Variants in FMN1 observed in about 807,000 individuals in gnomAD.
The protein encoded by FMN1 is formin-1.
FMN1 carries 110 observed loss-of-function variants against 132.4 expected under a neutral mutation model. That is an observed-to-expected ratio of 0.83 (90% CI 0.71 to 0.97). The LOEUF (loss-of-function observed/expected upper bound fraction) is 0.97. Ranked by LOEUF, FMN1 falls within the 50% of genes least tolerant of loss-of-function variation. The pLI, the probability that FMN1 is intolerant of heterozygous loss-of-function variation, is 0.00. For synonymous variants in FMN1, 722 were observed against 651.7 expected, an observed-to-expected ratio of 1.11 and a Z score of -1.64; for missense variants, 1,792 against 1,705.3, an observed-to-expected ratio of 1.05 and a Z score of -0.90.
intron 19 of FMN1, among the ~76,000 whole-genome samples, chr15:32,783,567 C>T (rs1015153858): frequency 6.6e-6 from 1 of 151,762 alleles, no homozygotes; most frequent in Non-Finnish European, 1.5e-5. Flanking sequence ...CACAGTGAAT[C>T]CCCATCTCGA....
chr15:33,174,807 T>G (rs887901642), intron 3 of FMN1, among the ~76,000 whole-genome samples: 6 of 152,212 alleles, frequency 3.9e-5, no homozygotes, highest in African/African-American at 1.4e-4. Flanking sequence ...ATATTTAGAC[T>G]TATAGAATAG....
intron 5 of FMN1, among the ~76,000 whole-genome samples, chr15:33,071,172 A>C (rs942644115): frequency 1.3e-5 from 2 of 152,188 alleles, no homozygotes; most frequent in African/African-American, 4.8e-5. Context: ...AACAAACAAA[A>C]AACAACAACC....
intron 16 of FMN1, among the ~76,000 whole-genome samples, chr15:32,879,417 A>C (rs898451953): frequency 3.3e-5 from 5 of 152,230 alleles, no homozygotes; most frequent in East Asian, 3.8e-4. Context: ...CATGGTCAAT[A>C]ATCATTCAAG....
At chr15:33,124,805 T>A (rs554452078) in intron 4 of FMN1, among the ~76,000 whole-genome samples, 47 of 151,844 alleles carry the variant, frequency 3.1e-4, no homozygotes, top group African/African-American at 1.1e-3. Context: ...TTGCATGGGA[T>A]CAATTCAATA....
intron 9 of FMN1, among the ~76,000 whole-genome samples, chr15:32,961,617 G>A (rs909100014): frequency 3.3e-5 from 5 of 152,168 alleles, no homozygotes; most frequent in South Asian, 2.1e-4. Flanking sequence ...AATGGTAGCC[G>A]TAGTAGTAAC....
chr15:32,953,946 T>C (rs924939255), intron 9 of FMN1, among the ~76,000 whole-genome samples: 1 of 152,210 alleles, frequency 6.6e-6, no homozygotes, highest in South Asian at 2.1e-4. Context: ...AAAATGTATG[T>C]GGGAACGTAT....
chr15:33,125,239 G>A (rs545796683), intron 4 of FMN1, among the ~76,000 whole-genome samples: 16 of 152,174 alleles, frequency 1.1e-4, no homozygotes, highest in South Asian at 4.1e-4. Flanking sequence ...ATAAAATGGA[G>A]GAAATAACCT....
At chr15:33,012,165 G>A (rs2034765546) in intron 6 of FMN1, 1 of 533,688 alleles carries the variant, frequency 1.9e-6, no homozygotes. Context: ...AGCTGTGGAA[G>A]CTCCTCATCA....
At chr15:32,975,148 T>G (rs1347791151) in intron 7 of FMN1, among the ~76,000 whole-genome samples, 1 of 152,258 alleles carries the variant, frequency 6.6e-6, no homozygotes, top group Non-Finnish European at 1.5e-5. Context: ...AACTGAATCT[T>G]CTGGCTTAAA....
chr15:32,898,849 C>T lies in FMN1; in HGVS notation c.3699G>A (p.Leu1233=), dbSNP rs369428192. 1.9e-5 allele frequency: 30 copies of T among 1,600,890 alleles called. 1 individual carries two copies. The South Asian group carries it at 3.0e-4, about 16-fold the overall frequency. Reference sequence around the variant, plus strand: ...CATTTCTTACCTGATCATAGTAACGCAGGTAATACTTAACAACGTAGTCCA... The same window carrying T: ...CATTTCTTACCTGATCATAGTAACGTAGGTAATACTTAACAACGTAGTCCA... The part of the protein sequence containing the change: ...NLVDYVVKYY[L]RYYDQEAGTE... Residue 1233 remains leucine (L), a synonymous_variant, in exon 15 of 21, where the codon CTG becomes CTA. Coordinates refer to ENST00000616417, the MANE Select transcript of FMN1 (RefSeq NM_001277313.2).
intron 14 of FMN1, 46 bp from the exon 15 acceptor site, chr15:32,898,939 T>A: frequency 7.7e-7 from 1 of 1,300,994 alleles, no homozygotes; most frequent in Non-Finnish European, 1.1e-6. Flanking sequence ...CCCATGAGAC[T>A]GTCATGTTAC....
Position 32,902,073 on chromosome 15 carries a change from C to T in FMN1, c.3378-33G>A, listed in dbSNP as rs137861761. On this transcript the variant is annotated intron_variant, in intron 12 of 20. Coordinates refer to ENST00000616417, the MANE Select transcript of FMN1 (RefSeq NM_001277313.2). ...AAAGAAAATGTGTCATCTACCTTCA[C>T]ATATAATCACAAGGAAAATAAAAAG... 8,214 of 1,573,662 alleles carry T rather than the reference C, an allele frequency of 5.2e-3. 41 individuals carry two copies. The highest frequency in any genetic ancestry group is 5.7e-3 in the Non-Finnish European group (6,555 of 1,158,950).
chr15:33,135,935 T>C (rs534514334), intron 4 of FMN1, among the ~76,000 whole-genome samples: 2 of 152,378 alleles, frequency 1.3e-5, no homozygotes, highest in Admixed American at 6.5e-5. Flanking sequence ...AGGACAGGAA[T>C]TAGCTTTGCT....
At chr15:33,068,082 C>T in intron 5 of FMN1, 1 of 1,366,822 alleles carries the variant, frequency 7.3e-7, no homozygotes, top group Non-Finnish European at 9.5e-7. Context: ...ATGATGTGTT[C>T]CAGGGCAACT....
At chr15:32,873,398 C>G (rs377756955) in intron 16 of FMN1, among the ~76,000 whole-genome samples, 4 of 152,136 alleles carry the variant, frequency 2.6e-5, no homozygotes, top group Non-Finnish European at 4.4e-5. Flanking sequence ...TAACGGGAAG[C>G]CTCCAGACAC....
chr15:32,958,699 T>C (rs1022541550), intron 9 of FMN1, among the ~76,000 whole-genome samples: 6 of 152,170 alleles, frequency 3.9e-5, no homozygotes, highest in African/African-American at 1.4e-4. Context: ...CCATTACTTC[T>C]GAAATACAAA....
At chr15:33,081,537 TCTAG>T (rs1401469452) in intron 5 of FMN1, among the ~76,000 whole-genome samples, 3 of 152,308 alleles carry the variant, frequency 2.0e-5, no homozygotes, top group African/African-American at 7.2e-5. Flanking sequence ...TGGTTGTAGT[TCTAG>T]CTGTCTAATT....
intron 16 of FMN1, among the ~76,000 whole-genome samples, chr15:32,879,131 A>C (rs1443473200): frequency 2.0e-5 from 3 of 152,222 alleles, no homozygotes; most frequent in Non-Finnish European, 4.4e-5. Context: ...ATCAAAAGTC[A>C]CCATGCCGAT....
At chr15:32,929,837 T>TC (rs2061060950) in intron 9 of FMN1, among the ~76,000 whole-genome samples, 1 of 151,824 alleles carries the variant, frequency 6.6e-6, no homozygotes, top group Non-Finnish European at 1.5e-5. Context: ...CATTTGCCCA[T>TC]CAATGGACAT....
Sources: gnomAD v4.1 joint callset for allele counts (sites outside exome capture counted in the v4.1 genomes callset) on GRCh38, gnomAD v4.1.1 for gene constraint, MANE v1.5 for transcripts, NCBI Gene and HGNC (gene_info 2026-07-23, HGNC 2026-07-21) for gene names.